SAMD5: variants seen among roughly 807,000 people sequenced by gnomAD.
SAMD5 encodes the protein sterile alpha motif domain-containing protein 5.
SAMD5 carries 13 observed loss-of-function variants against 11.3 expected under a neutral mutation model. The ratio of observed to expected loss-of-function variants is 1.15; its 90% CI spans 0.75 to 1.83. The LOEUF (loss-of-function observed/expected upper bound fraction) is 1.83, where lower values mean the gene tolerates loss of function less well. SAMD5 is among the 40% of genes most tolerant of loss of function. SAMD5 has a pLI of 0.00. For synonymous variants in SAMD5, 129 were observed against 111.3 expected, an observed-to-expected ratio of 1.16 and a Z score of -1.00; for missense variants, 255 against 239.1, an observed-to-expected ratio of 1.07 and a Z score of -0.44.
chr6:147,701,380 T>A (rs939340352), intron 1 of SAMD5, among the ~76,000 whole-genome samples: 8 of 152,182 alleles, frequency 5.3e-5, no homozygotes, highest in African/African-American at 1.7e-4. Context: ...ATGCCTATAA[T>A]CCCGGCACTT....
chr6:147,539,929 G>C (rs1044449863), intron 1 of SAMD5, among the ~76,000 whole-genome samples: 1 of 151,940 alleles, frequency 6.6e-6, no homozygotes, highest in African/African-American at 2.4e-5. Flanking sequence ...AATATTTTTG[G>C]CTTTTGAATT....
chr6:147,846,876 GATTCTCATT>G, the SAMD5 span, among the ~76,000 whole-genome samples: 1 of 152,070 alleles, frequency 6.6e-6, no homozygotes, highest in African/African-American at 2.4e-5. Context: ...ACCCAAACAT[GATTCTCATT>G]ATGGATGTTG....
At chr6:147,870,729 A>G in the SAMD5 span, among the ~76,000 whole-genome samples, 1 of 145,766 alleles carries the variant, frequency 6.9e-6, no homozygotes, top group South Asian at 2.3e-4. Context: ...GGGAGAGGAA[A>G]TCTGGAGGCG....
intron 1 of SAMD5, among the ~76,000 whole-genome samples, chr6:147,658,947 G>T (rs138273214): frequency 4.3e-4 from 66 of 152,336 alleles, no homozygotes; most frequent in Non-Finnish European, 7.8e-4. Flanking sequence ...CTCAGTTAAT[G>T]AGTGGTAATT....
the SAMD5 span, among the ~76,000 whole-genome samples, chr6:147,903,073 A>G: frequency 6.6e-6 from 1 of 152,206 alleles, no homozygotes; most frequent in Non-Finnish European, 1.5e-5. Flanking sequence ...AGGAGTGTTA[A>G]TTATTTCCTC....
chr6:147,933,936 A>G, the SAMD5 span, among the ~76,000 whole-genome samples: 1 of 152,350 alleles, frequency 6.6e-6, no homozygotes, highest in East Asian at 1.9e-4. Flanking sequence ...CTTGCTGGTT[A>G]TGCTGTCACG....
chr6:147,830,414 G>A, the SAMD5 span, among the ~76,000 whole-genome samples: 3 of 151,496 alleles, frequency 2.0e-5, no homozygotes, highest in South Asian at 2.1e-4. Flanking sequence ...GTACCACTAC[G>A]CCTGGCTAAT....
In SAMD5 at chr6:147,569,053, C is replaced by T; in HGVS notation, c.*4597C>T. The T allele has an allele frequency of 5.2e-6, 1 of 192,918 alleles. No homozygotes were observed. The highest frequency in any genetic ancestry group is 9.4e-6 in the Non-Finnish European group (1 of 106,494). The allele number at this position is 192,918 out of a possible 1,614,324, so 12.0% of individuals were successfully genotyped here. ...ACCAGCCTGGCCAACATGGTGAAAC[C>T]CTGTGTCTACTAAAAATACAAAAAA... On this transcript the variant is annotated 3_prime_UTR_variant, in exon 2 of 2. Coordinates refer to ENST00000367474, the MANE Select transcript of SAMD5 (RefSeq NM_001030060.3).
Position 147,565,194 on chromosome 6 carries a change from T to G in SAMD5, c.*738T>G. ...ATCAAGCAAGAGCTAGCTATTTTAC[T>G]TCATAGCTAGTTTCTTGCACTCTGT... On this transcript the variant is annotated 3_prime_UTR_variant, in exon 2 of 2. Transcript: ENST00000367474. 1 of 985,872 alleles carries G rather than the reference T, an allele frequency of 1.0e-6. No individual in the cohort carries two copies. Among genetic ancestry groups the G allele is most frequent in the South Asian group, 4.7e-5 (1 of 21,284 alleles). The allele number at this position is 985,872 out of a possible 1,614,324, so 61.1% of individuals were successfully genotyped here. A position where few individuals can be genotyped will look rare whatever the true frequency, so the allele number is the denominator to read the frequency against.
chr6:147,846,262 A>G, the SAMD5 span, among the ~76,000 whole-genome samples: 1 of 152,230 alleles, frequency 6.6e-6, no homozygotes, highest in Non-Finnish European at 1.5e-5. Flanking sequence ...AGCACAAGGA[A>G]ACTCGAACTG....
At chr6:147,911,029 T>G in the SAMD5 span, among the ~76,000 whole-genome samples, 1 of 152,328 alleles carries the variant, frequency 6.6e-6, no homozygotes, top group South Asian at 2.1e-4. Context: ...TTGAGATCCT[T>G]TGAGGTGGGT....
At chr6:147,896,559 A>T in the SAMD5 span, among the ~76,000 whole-genome samples, 1 of 152,072 alleles carries the variant, frequency 6.6e-6, no homozygotes, top group Admixed American at 6.6e-5. Flanking sequence ...GGAAAGGTGG[A>T]TGTGGAGACG....
the SAMD5 span, among the ~76,000 whole-genome samples, chr6:147,904,921 T>C: frequency 6.6e-6 from 1 of 151,240 alleles, no homozygotes; most frequent in South Asian, 2.1e-4. Flanking sequence ...GGAGTTTTGC[T>C]CTTGTTCCCC....
At chr6:147,884,227 C>T in the SAMD5 span, among the ~76,000 whole-genome samples, 1 of 152,124 alleles carries the variant, frequency 6.6e-6, no homozygotes, top group Non-Finnish European at 1.5e-5. Flanking sequence ...GATAGGGTAC[C>T]ATTCTCTAGG....
the SAMD5 span, among the ~76,000 whole-genome samples, chr6:147,914,065 AC>A: frequency 4.0e-5 from 6 of 151,896 alleles, no homozygotes; most frequent in East Asian, 1.2e-3. Flanking sequence ...CCAACCTGCG[AC>A]CCACAGGCCG....
At chr6:147,930,147 G>GC in the SAMD5 span, among the ~76,000 whole-genome samples, 1 of 152,162 alleles carries the variant, frequency 6.6e-6, no homozygotes. Context: ...CAAGTACTTT[G>GC]CTATGCCTAG....
chr6:147,902,618 T>A, the SAMD5 span, among the ~76,000 whole-genome samples: 4 of 152,206 alleles, frequency 2.6e-5, no homozygotes, highest in Non-Finnish European at 5.9e-5. Flanking sequence ...CTGCGATTAA[T>A]GCTAATAAAA....
intron 1 of SAMD5, among the ~76,000 whole-genome samples, chr6:147,699,582 T>C (rs1791224014): frequency 6.6e-6 from 1 of 152,228 alleles, no homozygotes; most frequent in Non-Finnish European, 1.5e-5. Context: ...ACCAGATTAA[T>C]TCATTTAACT....
At chr6:147,828,264 C>T in the SAMD5 span, among the ~76,000 whole-genome samples, 1 of 152,148 alleles carries the variant, frequency 6.6e-6, no homozygotes, top group South Asian at 2.1e-4. Context: ...CAAAGAAATG[C>T]TCCATGTGAA....
Sources: allele counts gnomAD v4.1 joint callset (sites outside exome capture counted in the v4.1 genomes callset), GRCh38; gene constraint gnomAD v4.1.1; transcripts MANE v1.5; gene names NCBI Gene and HGNC (gene_info 2026-07-23, HGNC 2026-07-21).